Variants in PRLR observed in about 807,000 individuals in gnomAD.
PRLR encodes the protein prolactin receptor, also known as hPRL receptor.
PRLR carries 13 observed loss-of-function variants against 40.2 expected under a neutral mutation model. That is an observed-to-expected ratio of 0.32 (90% confidence interval 0.21 to 0.51). The LOEUF (loss-of-function observed/expected upper bound fraction) is 0.51, where lower values mean the gene tolerates loss of function less well. PRLR is among the 20% of genes least tolerant of loss of function. The pLI is 0.97. For synonymous variants in PRLR, 269 were observed against 278.7 expected, an observed-to-expected ratio of 0.97 and a Z score of 0.35; for missense variants, 656 against 747.3, an observed-to-expected ratio of 0.88 and a Z score of 1.42.
At chr5:35,142,247 T>C (rs967704442) in intron 1 of PRLR, among the ~76,000 whole-genome samples, 1 of 152,194 alleles carries the variant, frequency 6.6e-6, no homozygotes, top group African/African-American at 2.4e-5. Context: ...TAGGTTGAAC[T>C]GAATATCACA....
chr5:35,122,498 C>A, intron 1 of PRLR, among the ~76,000 whole-genome samples: 1 of 152,250 alleles, frequency 6.6e-6, no homozygotes, highest in African/African-American at 2.4e-5. Context: ...TGAGAACATG[C>A]GGTGTTTGGT....
At chr5:35,112,009 T>C (rs971907617) in intron 2 of PRLR, among the ~76,000 whole-genome samples, 2 of 152,208 alleles carry the variant, frequency 1.3e-5, no homozygotes, top group African/African-American at 4.8e-5. Context: ...TGCAAATACA[T>C]GGAAAAGCTC....
chr5:35,211,362 T>C (rs1440636933), intron 1 of PRLR, among the ~76,000 whole-genome samples: 2 of 152,176 alleles, frequency 1.3e-5, no homozygotes. Flanking sequence ...GCCTAGTCAC[T>C]GCACTTCAAG....
intron 2 of PRLR, among the ~76,000 whole-genome samples, chr5:35,103,325 C>T (rs1772015808): frequency 6.6e-6 from 1 of 152,090 alleles, no homozygotes; most frequent in Admixed American, 6.5e-5. Context: ...TTAATAAGTC[C>T]TCCATACCAC....
At chr5:35,067,053 G>A (rs938066902) in intron 9 of PRLR, among the ~76,000 whole-genome samples, 1 of 152,054 alleles carries the variant, frequency 6.6e-6, no homozygotes, top group African/African-American at 2.4e-5. Context: ...GTGAGCCACC[G>A]CGCCCGGCCT....
At chr5:35,152,142 G>T (rs1240809111) in intron 1 of PRLR, among the ~76,000 whole-genome samples, 5 of 152,188 alleles carry the variant, frequency 3.3e-5, no homozygotes, top group Non-Finnish European at 7.3e-5. Flanking sequence ...TAATCCGCGT[G>T]ATCCATTCTC....
chr5:35,208,485 T>A (rs1047819243), intron 1 of PRLR, among the ~76,000 whole-genome samples: 3 of 152,204 alleles, frequency 2.0e-5, no homozygotes, highest in Non-Finnish European at 4.4e-5. Context: ...CAAAACCACC[T>A]GCACCTTGTT....
intron 1 of PRLR, among the ~76,000 whole-genome samples, chr5:35,176,268 C>T (rs1392174575): frequency 6.6e-6 from 1 of 152,128 alleles, no homozygotes. Flanking sequence ...AGTTACTAAT[C>T]TGCTTCAAAA....
chr5:35,202,378 G>T (rs951189161), intron 1 of PRLR, among the ~76,000 whole-genome samples: 1 of 152,156 alleles, frequency 6.6e-6, no homozygotes, highest in Non-Finnish European at 1.5e-5. Flanking sequence ...TACATTTTCA[G>T]CCATGCTTGC....
downstream of PRLR, among the ~76,000 whole-genome samples, chr5:35,054,632 G>T (rs1000004965): frequency 1.3e-5 from 2 of 152,178 alleles, no homozygotes; most frequent in African/African-American, 4.8e-5. Flanking sequence ...CACAGCAGTT[G>T]TATGCATAAA....
chr5:35,226,777 T>C (rs1776564193), intron 1 of PRLR, among the ~76,000 whole-genome samples: 2 of 152,210 alleles, frequency 1.3e-5, no homozygotes, highest in Admixed American at 1.3e-4. Flanking sequence ...TTTATCAGTA[T>C]CTGAAATGAT....
chr5:35,210,942 G>T (rs1776153782), intron 1 of PRLR, among the ~76,000 whole-genome samples: 1 of 151,958 alleles, frequency 6.6e-6, no homozygotes. Flanking sequence ...AAACTACTTG[G>T]GTGCAAGCAA....
chr5:35,125,324 C>A lies in PRLR; in HGVS notation c.-105-7202G>T, dbSNP rs62355487. Among the ~76,000 whole-genome samples, 849 of 152,188 alleles carry A rather than the reference C, an allele frequency of 5.6e-3. 39 individuals carry two copies. The highest frequency in any genetic ancestry group is 0.049 in the Admixed American group (750 of 15,272). ...GGTGGCCACCAGCAGTGGACCTGAA[C>A]GAAATGACTTTCTGCTTAGTTTAGT... On this transcript the variant is annotated intron_variant, in intron 1 of 9. Coordinates refer to ENST00000618457, the MANE Select transcript of PRLR (RefSeq NM_000949.7).
chr5:35,126,534 C>A (rs1367083583), intron 1 of PRLR, among the ~76,000 whole-genome samples: 2 of 152,048 alleles, frequency 1.3e-5, no homozygotes, highest in Non-Finnish European at 2.9e-5. Flanking sequence ...AATATTGGCC[C>A]ACCCGATTCA....
At chr5:35,092,352 C>T (rs1360147334) in intron 2 of PRLR, among the ~76,000 whole-genome samples, 6 of 152,132 alleles carry the variant, frequency 3.9e-5, no homozygotes, top group Non-Finnish European at 7.3e-5. Flanking sequence ...ATTTTCTTCC[C>T]AGGAAGGCAA....
chr5:35,105,418 A>C (rs1218334751), intron 2 of PRLR, among the ~76,000 whole-genome samples: 2 of 152,140 alleles, frequency 1.3e-5, no homozygotes, highest in Non-Finnish European at 2.9e-5. Flanking sequence ...ATTGGCAATA[A>C]CAAACTTCTC....
chr5:35,217,927 G>C (rs1014333465), intron 1 of PRLR, among the ~76,000 whole-genome samples: 1 of 152,050 alleles, frequency 6.6e-6, no homozygotes, highest in South Asian at 2.1e-4. Context: ...TTTTAGCTTA[G>C]GACATACCTA....
At chr5:35,168,475 T>C (rs1177044388) in intron 1 of PRLR, among the ~76,000 whole-genome samples, 1 of 152,002 alleles carries the variant, frequency 6.6e-6, no homozygotes, top group Non-Finnish European at 1.5e-5. Flanking sequence ...TCAGCAAATT[T>C]CAAAGGGTTG....
intron 1 of PRLR, among the ~76,000 whole-genome samples, chr5:35,221,674 T>A (rs997495950): frequency 2.6e-5 from 4 of 152,166 alleles, no homozygotes; most frequent in Non-Finnish European, 5.9e-5. Flanking sequence ...CTTCCCAGAA[T>A]ATTGATTCAG....
Sources: allele counts gnomAD v4.1 joint callset (sites outside exome capture counted in the v4.1 genomes callset), GRCh38; gene constraint gnomAD v4.1.1; transcripts MANE v1.5; gene names NCBI Gene and HGNC (gene_info 2026-07-23, HGNC 2026-07-21).